Variants in MED13 observed in about 807,000 individuals in gnomAD.
The protein encoded by MED13 is mediator of RNA polymerase II transcription subunit 13.
MED13 carries 23 observed loss-of-function variants against 225.2 expected under a neutral mutation model. The ratio of observed to expected loss-of-function variants is 0.10; its 90% CI spans 0.07 to 0.14. The LOEUF is 0.14. MED13 is among the 10% of genes least tolerant of loss of function. The pLI is 1.00. For synonymous variants in MED13, 942 were observed against 889.2 expected, an observed-to-expected ratio of 1.06 and a Z score of -1.06; for missense variants, 2,197 against 2,594.5, an observed-to-expected ratio of 0.85 and a Z score of 3.33.
chr17:62,030,322 T>C, intron 6 of MED13: 1 of 236,086 alleles, frequency 4.2e-6, no homozygotes, highest in Admixed American at 5.1e-5. Flanking sequence ...GTCCCATGGA[T>C]CATGCTGTAT....
chr17:61,981,030 T>C (rs1161406145), intron 16 of MED13, among the ~76,000 whole-genome samples: 1 of 144,660 alleles, frequency 6.9e-6, no homozygotes, highest in Non-Finnish European at 1.5e-5. Context: ...AGCCATTTTT[T>C]TTTTCTTTTA....
At chr17:61,961,397 G>A (rs2079998177) in intron 22 of MED13, among the ~76,000 whole-genome samples, 191 bp downstream of exon 22, 1 of 151,614 alleles carries the variant, frequency 6.6e-6, no homozygotes, top group African/African-American at 2.4e-5. Flanking sequence ...GCGCATGCCT[G>A]TAATCCCAGC....
intron 17 of MED13, among the ~76,000 whole-genome samples, chr17:61,970,975 T>C (rs1160058410): frequency 3.3e-5 from 5 of 151,764 alleles, no homozygotes; most frequent in Non-Finnish European, 7.4e-5. Context: ...CAGTGAGCCA[T>C]GATTGTGCCA....
intron 16 of MED13, among the ~76,000 whole-genome samples, chr17:61,980,131 G>T (rs1338278251): frequency 1.3e-5 from 2 of 152,152 alleles, no homozygotes; most frequent in African/African-American, 4.8e-5. Flanking sequence ...GGAGGTTGCA[G>T]TGGGCCGAGA....
chr17:61,957,950 C>CGCCTCCTGATTTCACGCCA (rs1248688987), intron 23 of MED13, among the ~76,000 whole-genome samples: 4 of 152,040 alleles, frequency 2.6e-5, no homozygotes, highest in Non-Finnish European at 4.4e-5. Flanking sequence ...CTGCAAGTTC[C>CGCCTCCTGATTTCACGCCA]GCCTCCTGAT....
chr17:61,978,763 T>A (rs756707101), intron 16 of MED13, among the ~76,000 whole-genome samples: 1 of 152,152 alleles, frequency 6.6e-6, no homozygotes, highest in East Asian at 1.9e-4. Context: ...CTTAAAATAA[T>A]CTTTCCTTTT....
intron 2 of MED13, 126 bp downstream of exon 2, chr17:62,062,941 G>T: frequency 1.6e-6 from 1 of 630,374 alleles, no homozygotes. Context: ...AAACAATGAA[G>T]CTGAATTTTT....
intron 23 of MED13, among the ~76,000 whole-genome samples, chr17:61,957,887 C>G (rs531031548): frequency 6.6e-6 from 1 of 152,202 alleles, no homozygotes; most frequent in East Asian, 1.9e-4. Flanking sequence ...TCTTTTGAGA[C>G]GGAGTCTCAC....
At chr17:61,985,617 G>A (rs2080240840) in intron 12 of MED13, among the ~76,000 whole-genome samples, 1 of 152,284 alleles carries the variant, frequency 6.6e-6, no homozygotes, top group East Asian at 1.9e-4. Context: ...GTTGCAGTGA[G>A]CCAGGACTGC....
intron 9 of MED13, chr17:62,006,844 T>G (rs1257136397): frequency 6.6e-6 from 1 of 152,460 alleles, no homozygotes; most frequent in Non-Finnish European, 1.5e-5. Context: ...GGAGAAACGC[T>G]TGAACCCGGG....
intron 9 of MED13, chr17:62,007,111 C>G (rs1325189615): frequency 3.3e-5 from 5 of 151,930 alleles, no homozygotes; most frequent in Non-Finnish European, 5.9e-5. Flanking sequence ...CGTGGTGGCA[C>G]GTGCCTATAG....
At chr17:61,963,000 A>G in intron 20 of MED13, 29 bp from the exon 21 acceptor site, 1 of 1,599,076 alleles carries the variant, frequency 6.3e-7, no homozygotes, top group Non-Finnish European at 8.6e-7. Flanking sequence ...ATGAGACAAA[A>G]AGTTGTACTG....
chr17:62,017,030 T>TA (rs753217676), intron 8 of MED13, among the ~76,000 whole-genome samples: 34 of 149,724 alleles, frequency 2.3e-4, no homozygotes, highest in Admixed American at 1.8e-3. Context: ...ATAATAATAA[T>TA]AATAAATAAA....
intron 2 of MED13, among the ~76,000 whole-genome samples, chr17:62,055,023 C>T (rs1400023421): frequency 9.2e-5 from 14 of 152,268 alleles, no homozygotes; most frequent in East Asian, 1.9e-4. Context: ...ATGACTTTGT[C>T]TCCTTCGCAA....
intron 3 of MED13, among the ~76,000 whole-genome samples, chr17:62,051,225 T>C (rs1438073057): frequency 6.6e-6 from 1 of 152,190 alleles, no homozygotes; most frequent in African/African-American, 2.4e-5. Context: ...AATAATTTAC[T>C]TTCTGACTCA....
Position 62,052,917 on chromosome 17 carries a change from A to G in MED13, c.302-212T>C, listed in dbSNP as rs554620362. On this transcript the variant is annotated intron_variant, in intron 2 of 29. Transcript: ENST00000397786. Reference sequence around the variant, plus strand: ...GTCTAAGTGCCACATATTCTATTAAATTACCTGAAAAGTATTTTTCCACCT... The same window carrying G: ...GTCTAAGTGCCACATATTCTATTAAGTTACCTGAAAAGTATTTTTCCACCT... Among the ~76,000 whole-genome samples the G allele has an allele frequency of 4.9e-4, 74 of 152,240 alleles. 3 individuals are homozygous for G. The highest frequency in any genetic ancestry group is 5.4e-4 in the Non-Finnish European group (37 of 68,038).
At chr17:62,014,118 C>G (rs1281814823) in intron 8 of MED13, among the ~76,000 whole-genome samples, 1 of 151,812 alleles carries the variant, frequency 6.6e-6, no homozygotes, top group African/African-American at 2.4e-5. Flanking sequence ...TCAATCTTAA[C>G]ATTACTAGAT....
chr17:62,003,621 A>AAAAAAAAAAAAAAAAAC (rs10679175), intron 9 of MED13: 2 of 144,542 alleles, frequency 1.4e-5, no homozygotes, highest in African/African-American at 5.1e-5. Context: ...AAAAAAAAAA[A>AAAAAAAAAAAAAAAAAC]GCAAAAAGTG....
chr17:62,005,014 G>A (rs2080433044), intron 9 of MED13: 1 of 150,510 alleles, frequency 6.6e-6, no homozygotes, highest in Non-Finnish European at 1.5e-5. Flanking sequence ...ATTCTCCTTA[G>A]CCTCCAAGTA....
Sources: allele counts gnomAD v4.1 joint callset (sites outside exome capture counted in the v4.1 genomes callset), GRCh38; gene constraint gnomAD v4.1.1; transcripts MANE v1.5; gene names NCBI Gene and HGNC (gene_info 2026-07-23, HGNC 2026-07-21).